ANXA11: variants seen among roughly 807,000 people sequenced by gnomAD.
ANXA11 encodes the protein annexin A11.
In ANXA11, 57 loss-of-function variants were observed where a neutral mutation model predicts 64.7. That is an observed-to-expected ratio of 0.88 (90% confidence interval 0.71 to 1.10). The LOEUF (loss-of-function observed/expected upper bound fraction) is 1.10, where lower values mean the gene tolerates loss of function less well. Ranked by LOEUF, ANXA11 falls within the 50% of genes least tolerant of loss-of-function variation. The pLI, the probability that ANXA11 is intolerant of heterozygous loss-of-function variation, is 0.00. For synonymous variants in ANXA11, 260 were observed against 265.2 expected, an observed-to-expected ratio of 0.98 and a Z score of 0.19; for missense variants, 675 against 670.7, an observed-to-expected ratio of 1.01 and a Z score of -0.07.
At chr10:80,170,736 C>T in intron 4 of ANXA11, 64 bp downstream of exon 4, 1 of 1,316,220 alleles carries the variant, frequency 7.6e-7, no homozygotes. Flanking sequence ...AGGCCAGCAG[C>T]TTTGATTCCT....
At chr10:80,196,924 G>C (rs555299577) in intron 1 of ANXA11, among the ~76,000 whole-genome samples, 4 of 152,340 alleles carry the variant, frequency 2.6e-5, no homozygotes, top group African/African-American at 9.6e-5. Flanking sequence ...GAGAGTGGCA[G>C]CGTCCGGAGC....
rs1845183430 is a variant in ANXA11 at position 80,153,017 on chromosome 10, T to C, written c.*2836A>G. The C allele has an allele frequency of 6.6e-6, 1 of 152,264 alleles. No homozygotes were observed. The highest frequency in any genetic ancestry group is 2.4e-5 in the African/African-American group (1 of 41,458). The allele number at this position is 152,264 out of a possible 1,614,324, so 9.4% of individuals were successfully genotyped here. ...AGTATGAACTTACACAAGCAGGTTA[T>C]ATAACAAGTGGAGTATACGCCTGTG... On this transcript the variant is annotated 3_prime_UTR_variant, in exon 16 of 16. Transcript: ENST00000422982.
chr10:80,195,453 G>T (rs1846944156), intron 1 of ANXA11, among the ~76,000 whole-genome samples: 1 of 152,172 alleles, frequency 6.6e-6, no homozygotes, highest in Admixed American at 6.5e-5. Flanking sequence ...CTCACACTGG[G>T]CCACTGAGGA....
chr10:80,165,596 G>T (rs1469978077), intron 8 of ANXA11, among the ~76,000 whole-genome samples: 1 of 152,194 alleles, frequency 6.6e-6, no homozygotes, highest in Non-Finnish European at 1.5e-5. Context: ...TGACAGAAAA[G>T]CGGGCGCTCA....
At chr10:80,199,906 T>A (rs1840344311) in intron 1 of ANXA11, among the ~76,000 whole-genome samples, 1 of 152,156 alleles carries the variant, frequency 6.6e-6, no homozygotes, top group Admixed American at 6.5e-5. Context: ...AGCACAGAGA[T>A]GAGCTTATGA....
At chr10:80,169,408 C>T (rs764348089) in intron 4 of ANXA11, 50 bp from the exon 5 acceptor site, 61 of 1,590,140 alleles carry the variant, frequency 3.8e-5, no homozygotes, top group Non-Finnish European at 4.8e-5. Context: ...TGCTGCACTC[C>T]GTCCCTCCAC....
chr10:80,156,604 C>A, intron 15 of ANXA11: 1 of 369,480 alleles, frequency 2.7e-6, no homozygotes, highest in South Asian at 2.0e-5. Context: ...ACCTCTGTCT[C>A]CCGGGTTCAA....
Position 80,162,047 on chromosome 10 carries a change from G to T in ANXA11, c.1087-19C>A, listed in dbSNP as rs368776217. Reference sequence around the variant, plus strand: ...ACAGCTCCTGGAGAGAGAGGAAGACGCACATGTGGCACAGGCCACACCCAG... The same window carrying T: ...ACAGCTCCTGGAGAGAGAGGAAGACTCACATGTGGCACAGGCCACACCCAG... On this transcript the variant is annotated intron_variant, in intron 11 of 15. Coordinates refer to ENST00000422982, the MANE Select transcript of ANXA11 (RefSeq NM_145868.2). 18 of 1,596,226 alleles carry T rather than the reference G, an allele frequency of 1.1e-5. No homozygotes were observed. Among genetic ancestry groups the T allele is most frequent in the Non-Finnish European group, 1.5e-5 (17 of 1,169,982 alleles).
Position 80,157,764 on chromosome 10 carries a change from C to G in ANXA11, c.1336-1G>C. The G allele has an allele frequency of 6.2e-7, 1 of 1,612,692 alleles. No individual in the cohort carries two copies. Reference sequence around the variant, plus strand: ...GGGTCCGGTCCTTTGTTCCTGCCCCCTAAAGAGAGTCCACCCAAGAGCATG... The same window carrying G: ...GGGTCCGGTCCTTTGTTCCTGCCCCGTAAAGAGAGTCCACCCAAGAGCATG... On this transcript the variant is annotated splice_acceptor_variant, in intron 14 of 15. Transcript: ENST00000422982. LOFTEE classifies it high-confidence loss of function.
intron 1 of ANXA11, among the ~76,000 whole-genome samples, chr10:80,201,606 C>T (rs1397117448): frequency 2.0e-5 from 3 of 152,134 alleles, no homozygotes; most frequent in Non-Finnish European, 4.4e-5. Flanking sequence ...TGAGTGGGGG[C>T]GGTCTCTCCT....
chr10:80,151,092 A>G lies in ANXA11; in HGVS notation c.*4761T>C, dbSNP rs973186001. 6.6e-5 allele frequency: 10 copies of G among 152,228 alleles called. No individual in the cohort carries two copies. The highest frequency in any genetic ancestry group is 2.4e-4 in the African/African-American group (10 of 41,452). 9.4% of individuals were successfully genotyped at this position (152,228 alleles called of 1,614,324 possible). ...TCCTCTAGTCTACCCTTCATTTTAA[A>G]AAGTCAAAAAGACAGGAAGTGACAT... is the stretch of plus-strand genomic sequence containing the variant. On this transcript the variant is annotated 3_prime_UTR_variant, in exon 16 of 16. Coordinates refer to ENST00000422982, the MANE Select transcript of ANXA11 (RefSeq NM_145868.2).
At chr10:80,201,527 T>C (rs1840421111) in intron 1 of ANXA11, among the ~76,000 whole-genome samples, 1 of 152,154 alleles carries the variant, frequency 6.6e-6, no homozygotes, top group Non-Finnish European at 1.5e-5. Flanking sequence ...CATGATCTTC[T>C]TCATCCTCCA....
intron 13 of ANXA11, among the ~76,000 whole-genome samples, chr10:80,158,650 G>C (rs996894354): frequency 7.2e-5 from 11 of 152,118 alleles, no homozygotes; most frequent in Non-Finnish European, 1.3e-4. Context: ...CAATGTAAGA[G>C]GCACACCACC....
At chr10:80,156,580 C>G (rs922593074) in intron 15 of ANXA11, 17 of 409,692 alleles carry the variant, frequency 4.1e-5, no homozygotes, top group African/African-American at 8.3e-5. Flanking sequence ...ATGGCGTGAT[C>G]CCAGCTCACT....
chr10:80,163,635 G>A (rs1249244708), intron 9 of ANXA11, 22 bp from the exon 10 acceptor site: 3 of 1,547,852 alleles, frequency 1.9e-6, no homozygotes, highest in Admixed American at 3.9e-5. Flanking sequence ...AAGCAAGGAA[G>A]GTCCATCCTG....
At chr10:80,162,118 GT>G in intron 11 of ANXA11, 90 bp from the exon 12 acceptor site, 1 of 1,136,674 alleles carries the variant, frequency 8.8e-7, no homozygotes, top group Non-Finnish European at 1.3e-6. Flanking sequence ...ACTTCTGAAG[GT>G]TTGAGCCTAA....
chr10:80,158,813 G>A (rs1405125009), intron 13 of ANXA11, among the ~76,000 whole-genome samples: 4 of 152,162 alleles, frequency 2.6e-5, no homozygotes, highest in Non-Finnish European at 4.4e-5. Context: ...ATACTCCTCC[G>A]GGAGCGCAGT....
chr10:80,167,875 C>T (rs1043187373), intron 5 of ANXA11, among the ~76,000 whole-genome samples: 12 of 152,158 alleles, frequency 7.9e-5, no homozygotes, highest in Admixed American at 3.9e-4. Context: ...TGCACAAACC[C>T]GCAAACTGGA....
intron 8 of ANXA11, among the ~76,000 whole-genome samples, chr10:80,164,494 C>T (rs541958044): frequency 2.0e-5 from 3 of 152,122 alleles, no homozygotes; most frequent in Middle Eastern, 3.4e-3. Context: ...CAGCCGGAAG[C>T]GAGATGACAA....
Sources: allele counts gnomAD v4.1 joint callset (sites outside exome capture counted in the v4.1 genomes callset), GRCh38; gene constraint gnomAD v4.1.1; transcripts MANE v1.5; gene names NCBI Gene and HGNC (gene_info 2026-07-23, HGNC 2026-07-21).